The following NCALD variants were observed in gnomAD, a reference collection of about 807,000 sequenced individuals.
NCALD encodes neurocalcin-delta.
A neutral mutation model predicts 18.6 loss-of-function variants in NCALD; 10 were observed. That is an observed-to-expected ratio of 0.54 (90% confidence interval 0.33 to 0.91). The LOEUF (loss-of-function observed/expected upper bound fraction) is 0.91. NCALD is among the 40% of genes least tolerant of loss of function. NCALD has a pLI of 0.03. For synonymous variants in NCALD, 88 were observed against 87.4 expected, an observed-to-expected ratio of 1.01 and a Z score of -0.04; for missense variants, 184 against 247.6, an observed-to-expected ratio of 0.74 and a Z score of 1.72.
chr8:101,799,655 C>A (rs1360812582), intron 4 of NCALD, among the ~76,000 whole-genome samples: 1 of 152,172 alleles, frequency 6.6e-6, no homozygotes, highest in Non-Finnish European at 1.5e-5. Context: ...TTTTACAGAG[C>A]AGAAAAACAA....
intron 1 of NCALD, among the ~76,000 whole-genome samples, chr8:101,752,683 A>G (rs1211602653): frequency 1.3e-5 from 2 of 152,240 alleles, no homozygotes; most frequent in African/African-American, 2.4e-5. Context: ...CTAACGGACC[A>G]TAAGGTAGAA....
chr8:102,074,601 A>G (rs1824282381), intron 1 of NCALD, among the ~76,000 whole-genome samples: 1 of 152,120 alleles, frequency 6.6e-6, no homozygotes, highest in African/African-American at 2.4e-5. Flanking sequence ...CTGGTTTTTG[A>G]GTCTCAGAAA....
intron 3 of NCALD, among the ~76,000 whole-genome samples, chr8:101,889,107 G>A (rs1717455736): frequency 6.6e-6 from 1 of 152,172 alleles, no homozygotes; most frequent in South Asian, 2.1e-4. Context: ...TTCACTTTTT[G>A]TTCTTTGCCC....
At chr8:101,999,931 G>A (rs911661290) in intron 2 of NCALD, among the ~76,000 whole-genome samples, 4 of 152,164 alleles carry the variant, frequency 2.6e-5, no homozygotes, top group African/African-American at 9.7e-5. Flanking sequence ...AATAGGAACA[G>A]CTCCAGTCTA....
chr8:101,943,027 G>A (rs1819016435), intron 2 of NCALD, among the ~76,000 whole-genome samples: 1 of 152,220 alleles, frequency 6.6e-6, no homozygotes, highest in African/African-American at 2.4e-5. Flanking sequence ...CTGGAAAGAT[G>A]AGAATTTTGC....
intron 1 of NCALD, among the ~76,000 whole-genome samples, chr8:101,746,806 T>C (rs1810442908): frequency 6.6e-6 from 1 of 152,056 alleles, no homozygotes; most frequent in Admixed American, 6.5e-5. Flanking sequence ...ATAGTAATAA[T>C]GATGACCTTA....
At chr8:102,025,428 G>C (rs1202027529) in intron 1 of NCALD, among the ~76,000 whole-genome samples, 1 of 152,180 alleles carries the variant, frequency 6.6e-6, no homozygotes, top group South Asian at 2.1e-4. Context: ...ACTCACTTCT[G>C]TGAAGTACAG....
At chr8:101,933,515 C>T (rs1818650896) in intron 2 of NCALD, among the ~76,000 whole-genome samples, 1 of 152,188 alleles carries the variant, frequency 6.6e-6, no homozygotes, top group South Asian at 2.1e-4. Context: ...TCCAGAACTG[C>T]AAGAGAATAA....
At chr8:102,027,953 C>G (rs999002630) in intron 1 of NCALD, among the ~76,000 whole-genome samples, 15 of 152,078 alleles carry the variant, frequency 9.9e-5, no homozygotes, top group African/African-American at 3.6e-4. Flanking sequence ...TAATTGCCCC[C>G]ATGATTCAAT....
intron 1 of NCALD, among the ~76,000 whole-genome samples, chr8:102,021,664 G>C (rs1182243327): frequency 6.6e-6 from 1 of 152,144 alleles, no homozygotes; most frequent in African/African-American, 2.4e-5. Flanking sequence ...GACACTTTCT[G>C]ACCTTCCACT....
In NCALD at chr8:102,043,525, G is replaced by A. The variant is rs535221569; in HGVS notation, c.-209-23236C>T. ...TAAAGGCTGTGGATTTGGGGGCATG[G>A]AGAAGGAAAGGTCAAAAGAATTGAG... is the stretch of plus-strand genomic sequence containing the variant. On this transcript the variant is annotated intron_variant, in intron 1 of 6. Transcript: ENST00000311028. Among the ~76,000 whole-genome samples the A allele has an allele frequency of 4.0e-5, 6 of 151,854 alleles. No individual in the cohort carries two copies. In the South Asian group the frequency reaches 1.0e-3, roughly 26 times the overall value.
intron 4 of NCALD, among the ~76,000 whole-genome samples, chr8:101,840,076 G>A (rs115979239): frequency 0.011 from 1,636 of 151,334 alleles, 30 homozygotes; most frequent in African/African-American, 0.038. Flanking sequence ...ACTCTTAAAT[G>A]TGTAAAAACA....
intron 1 of NCALD, among the ~76,000 whole-genome samples, chr8:102,063,376 T>G (rs1823907439): frequency 6.6e-6 from 1 of 152,130 alleles, no homozygotes; most frequent in Non-Finnish European, 1.5e-5. Context: ...TTTTTTCTCA[T>G]TAGACCATGA....
At chr8:101,995,132 C>T (rs1308462212) in intron 2 of NCALD, among the ~76,000 whole-genome samples, 1 of 152,110 alleles carries the variant, frequency 6.6e-6, no homozygotes, top group Non-Finnish European at 1.5e-5. Flanking sequence ...ATAGCCCAGA[C>T]TGGGGACTTC....
In NCALD at chr8:101,688,790, G is replaced by A; in HGVS notation, c.*519C>T. On this transcript the variant is annotated 3_prime_UTR_variant, in exon 4 of 4. Coordinates refer to ENST00000220931, the MANE Select transcript of NCALD (RefSeq NM_032041.3). Reference sequence around the variant, plus strand: ...CCTGCTGGGGAAGAGAGGGGAGTGGGCCCCCATGGGGAAATGTCCCAGCTC... The same window carrying A: ...CCTGCTGGGGAAGAGAGGGGAGTGGACCCCCATGGGGAAATGTCCCAGCTC... 1.7e-6 allele frequency: 1 copy of A among 605,026 alleles called. No homozygotes were observed. Among genetic ancestry groups the A allele is most frequent in the Non-Finnish European group, 3.1e-6 (1 of 324,798 alleles). 37.5% of individuals were successfully genotyped at this position (605,026 alleles called of 1,614,324 possible).
intron 1 of NCALD, among the ~76,000 whole-genome samples, chr8:102,054,974 G>A (rs994577643): frequency 3.9e-5 from 6 of 152,050 alleles, no homozygotes; most frequent in African/African-American, 1.2e-4. Flanking sequence ...CAGTGTCGAT[G>A]AGATGTGGAC....
intron 1 of NCALD, among the ~76,000 whole-genome samples, chr8:101,762,626 G>A (rs1159874590): frequency 6.6e-6 from 1 of 150,420 alleles, no homozygotes; most frequent in South Asian, 2.1e-4. Context: ...CCAGGCTGGA[G>A]TACAGCGGTG....
intron 1 of NCALD, among the ~76,000 whole-genome samples, chr8:101,738,736 C>T (rs1463738212): frequency 1.3e-5 from 2 of 152,134 alleles, no homozygotes; most frequent in African/African-American, 2.4e-5. Flanking sequence ...TTCAAGACCT[C>T]GTGGCTGTGT....
chr8:101,922,944 A>C (rs1160990755), intron 2 of NCALD, among the ~76,000 whole-genome samples: 1 of 152,126 alleles, frequency 6.6e-6, no homozygotes, highest in African/African-American at 2.4e-5. Context: ...CTCTCAAAAT[A>C]TCTTATTGTA....
Sources: allele counts gnomAD v4.1 joint callset (sites outside exome capture counted in the v4.1 genomes callset), GRCh38; gene constraint gnomAD v4.1.1; transcripts MANE v1.5; gene names NCBI Gene and HGNC (gene_info 2026-07-23, HGNC 2026-07-21).